Variants in CRB1 observed in about 807,000 individuals in gnomAD.
CRB1 encodes protein crumbs homolog 1.
CRB1 carries 83 observed loss-of-function variants against 120.0 expected under a neutral mutation model. The ratio of observed to expected loss-of-function variants is 0.69; its 90% CI spans 0.58 to 0.83. The LOEUF is 0.83. Ranked by LOEUF, CRB1 falls within the 40% of genes least tolerant of loss-of-function variation. The probability of loss-of-function intolerance (pLI) is 0.00; values close to 1 mark genes in which losing one functional copy is unlikely to be tolerated. For synonymous variants in CRB1, 625 were observed against 612.5 expected (o/e 1.02, Z -0.30); for missense variants, 1,699 against 1,687.6 (o/e 1.01, Z -0.12).
intron 11 of CRB1, chr1:197,444,024 C>T (rs993249085): frequency 1.3e-4 from 20 of 152,248 alleles, no homozygotes; most frequent in African/African-American, 2.9e-4. Context: ...AGGAGCTGTC[C>T]TGGTTTGAAA....
intron 9 of CRB1, among the ~76,000 whole-genome samples, 159 bp downstream of exon 9, chr1:197,435,771 G>T (rs1221845705): frequency 3.9e-5 from 6 of 152,056 alleles, no homozygotes; most frequent in Admixed American, 2.0e-4. Flanking sequence ...GTTCAGATGG[G>T]ATCTCACTTA....
At chr1:197,462,483 T>A (rs1571615446) in intron 11 of CRB1, among the ~76,000 whole-genome samples, 1 of 152,132 alleles carries the variant, frequency 6.6e-6, no homozygotes, top group African/African-American at 2.4e-5. Flanking sequence ...TAAATCCTCT[T>A]GGCAATGGGT....
intron 1 of CRB1, among the ~76,000 whole-genome samples, chr1:197,269,135 A>G (rs1292775713): frequency 1.3e-5 from 2 of 152,324 alleles, no homozygotes; most frequent in African/African-American, 2.4e-5. Context: ...GAGGAGACCA[A>G]ATTGCCCCAG....
At chr1:197,429,031 C>T in intron 7 of CRB1, 8 of 1,498,730 alleles carry the variant, frequency 5.3e-6, no homozygotes, top group Non-Finnish European at 7.2e-6. Flanking sequence ...ACCTAAGTAC[C>T]AAGTTTCACT....
chr1:197,272,503 TAAC>T (rs1297509873), intron 1 of CRB1, among the ~76,000 whole-genome samples: 4 of 152,068 alleles, frequency 2.6e-5, no homozygotes, highest in Admixed American at 6.6e-5. Flanking sequence ...GGTCTCACAA[TAAC>T]AAATACTGGA....
chr1:197,245,424 G>A, the CRB1 span, among the ~76,000 whole-genome samples: 5 of 152,058 alleles, frequency 3.3e-5, no homozygotes, highest in African/African-American at 1.2e-4. Flanking sequence ...TTAGGCCCAG[G>A]AGTTTGTGGT....
chr1:197,356,288 A>G (rs1314808656), intron 4 of CRB1, among the ~76,000 whole-genome samples: 1 of 152,244 alleles, frequency 6.6e-6, no homozygotes, highest in Non-Finnish European at 1.5e-5. Flanking sequence ...TGTTTTAATT[A>G]TCTATAAAGT....
intron 5 of CRB1, chr1:197,413,897 ACT>A (rs1258381682): frequency 2.2e-6 from 1 of 456,274 alleles, no homozygotes; most frequent in Non-Finnish European, 4.4e-6. Context: ...TCAGAAACTC[ACT>A]CTGTCAACCT....
At chr1:197,230,874 A>T in the CRB1 span, among the ~76,000 whole-genome samples, 31 of 152,172 alleles carry the variant, frequency 2.0e-4, no homozygotes, top group Non-Finnish European at 1.5e-4. Flanking sequence ...AAAATCTTAG[A>T]CATGTTATTT....
chr1:197,237,683 C>T, the CRB1 span, among the ~76,000 whole-genome samples: 5 of 152,070 alleles, frequency 3.3e-5, no homozygotes, highest in Admixed American at 6.6e-5. Context: ...TTTTTATTGT[C>T]CATGGGATCA....
intron 8 of CRB1, 118 bp from the exon 9 acceptor site, chr1:197,434,586 CAT>C (rs1198348730): frequency 2.2e-6 from 2 of 890,358 alleles, no homozygotes; most frequent in African/African-American, 3.3e-5. Context: ...CAGTATGTAA[CAT>C]GTATCAAATA....
At chr1:197,337,776 G>A (rs1236620207) in intron 2 of CRB1, among the ~76,000 whole-genome samples, 3 of 152,044 alleles carry the variant, frequency 2.0e-5, no homozygotes, top group Non-Finnish European at 2.9e-5. Flanking sequence ...CTGAAGTTCG[G>A]TCAAAATCTC....
At chr1:197,450,816 T>A (rs1158391538) in intron 11 of CRB1, among the ~76,000 whole-genome samples, 4 of 125,934 alleles carry the variant, frequency 3.2e-5, no homozygotes, top group Admixed American at 1.6e-4. Flanking sequence ...AAAAATTAGC[T>A]GGGCGTGGTG....
chr1:197,227,373 C>A, the CRB1 span, among the ~76,000 whole-genome samples: 156 of 150,340 alleles, frequency 1.0e-3, no homozygotes, highest in Non-Finnish European at 2.2e-3. Context: ...GAAGGGTAGT[C>A]AAATTCTTTT....
chr1:197,456,387 A>C (rs1208243033), intron 11 of CRB1, among the ~76,000 whole-genome samples: 1 of 152,064 alleles, frequency 6.6e-6, no homozygotes, highest in African/African-American at 2.4e-5. Flanking sequence ...CAGCTTTGAG[A>C]ATTTTGTTTT....
At chr1:197,382,158 C>T (rs765238687) in intron 5 of CRB1, among the ~76,000 whole-genome samples, 4 of 152,152 alleles carry the variant, frequency 2.6e-5, no homozygotes, top group Non-Finnish European at 5.9e-5. Flanking sequence ...ATTTCTTCAT[C>T]TACAAAATAT....
intron 1 of CRB1, among the ~76,000 whole-genome samples, chr1:197,270,650 C>A (rs1654857420): frequency 6.6e-6 from 1 of 152,036 alleles, no homozygotes; most frequent in Non-Finnish European, 1.5e-5. Context: ...TACATAATAA[C>A]CCTGTCAAGT....
chr1:197,238,677 C>T, the CRB1 span, among the ~76,000 whole-genome samples: 79 of 152,042 alleles, frequency 5.2e-4, no homozygotes, highest in African/African-American at 1.9e-3. Flanking sequence ...GAAACCCCAT[C>T]TCTACTAAAA....
chr1:197,334,619 T>C (rs1659047064), intron 2 of CRB1, among the ~76,000 whole-genome samples: 1 of 152,210 alleles, frequency 6.6e-6, no homozygotes, highest in African/African-American at 2.4e-5. Context: ...ACTGGAACCT[T>C]GGTCTTGAAC....
Sources: allele counts gnomAD v4.1 joint callset (sites outside exome capture counted in the v4.1 genomes callset), GRCh38; gene constraint gnomAD v4.1.1; transcripts MANE v1.5; gene names NCBI Gene and HGNC (gene_info 2026-07-23, HGNC 2026-07-21).